Variants in PIP5K1B observed in about 807,000 individuals in gnomAD.
PIP5K1B encodes the protein phosphatidylinositol 4-phosphate 5-kinase type-1 beta.
PIP5K1B carries 42 observed loss-of-function variants against 67.0 expected under a neutral mutation model. The ratio of observed to expected loss-of-function variants is 0.63; its 90% CI spans 0.49 to 0.81. PIP5K1B has a LOEUF of 0.81. Among genes scored for constraint, PIP5K1B ranks in the 30% least tolerant of loss-of-function variants. PIP5K1B has a pLI of 0.00. For missense variants in PIP5K1B, 459 were observed against 646.3 expected (o/e 0.71, Z 3.14); for synonymous variants, 214 against 231.4 (o/e 0.92, Z 0.68).
chr9:68,898,662 G>A (rs992383847), intron 8 of PIP5K1B, among the ~76,000 whole-genome samples: 7 of 152,012 alleles, frequency 4.6e-5, no homozygotes, highest in African/African-American at 1.2e-4. Flanking sequence ...CATGACCATC[G>A]TGCAGCCAGA....
chr9:68,935,159 T>C, intron 13 of PIP5K1B, 114 bp downstream of exon 13: 2 of 891,862 alleles, frequency 2.2e-6, no homozygotes, highest in Non-Finnish European at 3.4e-6. Flanking sequence ...AATATATTAA[T>C]TAAGTTTTTA....
intron 8 of PIP5K1B, among the ~76,000 whole-genome samples, chr9:68,912,804 G>A (rs765577566): frequency 3.3e-5 from 5 of 152,180 alleles, no homozygotes; most frequent in Non-Finnish European, 7.3e-5. Flanking sequence ...GTGATGTGGT[G>A]TTAAAGATGT....
intron 11 of PIP5K1B, among the ~76,000 whole-genome samples, chr9:68,922,972 A>T (rs1281776849): frequency 6.6e-6 from 1 of 152,184 alleles, no homozygotes; most frequent in African/African-American, 2.4e-5. Flanking sequence ...GCCTGTATGT[A>T]AAAAAAGAAC....
chr9:68,870,250 TG>T (rs934701581), intron 5 of PIP5K1B, among the ~76,000 whole-genome samples: 1 of 152,214 alleles, frequency 6.6e-6, no homozygotes, highest in Non-Finnish European at 1.5e-5. Flanking sequence ...CATCCCGGAA[TG>T]CACTGTTTGG....
chr9:68,953,614 G>A (rs1013637105), intron 14 of PIP5K1B, among the ~76,000 whole-genome samples: 3 of 151,734 alleles, frequency 2.0e-5, no homozygotes, highest in African/African-American at 4.8e-5. Flanking sequence ...CCAGGAGTTC[G>A]AGACCAGCCT....
intron 4 of PIP5K1B, among the ~76,000 whole-genome samples, chr9:68,849,425 G>T (rs1822366360): frequency 6.6e-6 from 1 of 152,088 alleles, no homozygotes; most frequent in Non-Finnish European, 1.5e-5. Context: ...TGTCAACCCA[G>T]GCTGAAGTGC....
intron 14 of PIP5K1B, among the ~76,000 whole-genome samples, chr9:68,953,035 A>G (rs1828177963): frequency 6.6e-6 from 1 of 151,960 alleles, no homozygotes; most frequent in African/African-American, 2.4e-5. Flanking sequence ...AGTTTGGGGA[A>G]ATTTTCTAAA....
At chr9:68,822,975 G>C (rs1474232260) in intron 4 of PIP5K1B, among the ~76,000 whole-genome samples, 1 of 152,016 alleles carries the variant, frequency 6.6e-6, no homozygotes, top group Middle Eastern at 3.2e-3. Context: ...TGTCTTTTCC[G>C]GCTTCTAGAG....
chr9:68,923,520 AC>A (rs1826522318), intron 12 of PIP5K1B, 134 bp downstream of exon 12: 1 of 572,030 alleles, frequency 1.7e-6, no homozygotes, highest in Admixed American at 3.3e-5. Context: ...TGGTTAAGTA[AC>A]CCAGTCAGGT....
chr9:68,960,134 C>G (rs576250299), intron 14 of PIP5K1B, among the ~76,000 whole-genome samples: 2 of 152,298 alleles, frequency 1.3e-5, no homozygotes, highest in African/African-American at 4.8e-5. Flanking sequence ...TGTCTTTATG[C>G]TAACGTCACT....
chr9:68,864,149 A>C (rs1260856664), intron 5 of PIP5K1B, among the ~76,000 whole-genome samples, 182 bp downstream of exon 5: 2 of 152,304 alleles, frequency 1.3e-5, no homozygotes, highest in Non-Finnish European at 1.5e-5. Context: ...ATGTCTCACA[A>C]TTTTTATGTG....
At chr9:68,788,832 T>C (rs891756667) in intron 2 of PIP5K1B, 6 of 237,318 alleles carry the variant, frequency 2.5e-5, no homozygotes, top group Non-Finnish European at 5.2e-5. Context: ...GAAACTGATA[T>C]TATATTTGAC....
intron 2 of PIP5K1B, among the ~76,000 whole-genome samples, chr9:68,758,721 T>G (rs938978256): frequency 1.3e-5 from 2 of 151,958 alleles, no homozygotes; most frequent in African/African-American, 4.8e-5. Flanking sequence ...AAATAATAAC[T>G]GAAAAATCCC....
At chr9:68,933,933 C>G (rs1282802548) in intron 12 of PIP5K1B, among the ~76,000 whole-genome samples, 1 of 152,088 alleles carries the variant, frequency 6.6e-6, no homozygotes, top group Non-Finnish European at 1.5e-5. Context: ...CTGAGATTCC[C>G]AAGGCTAAAC....
At chr9:68,824,268 G>C (rs1455851688) in intron 4 of PIP5K1B, 1 of 518,342 alleles carries the variant, frequency 1.9e-6, no homozygotes, top group Admixed American at 1.9e-5. Flanking sequence ...ACCAAATTCT[G>C]ACTCACAGGA....
chr9:68,889,235 C>T (rs1011180726), intron 7 of PIP5K1B, 102 bp downstream of exon 7: 9 of 835,770 alleles, frequency 1.1e-5, no homozygotes, highest in Non-Finnish European at 1.7e-5. Context: ...ATGTTTCTTT[C>T]TCTTTGGTAA....
intron 2 of PIP5K1B, chr9:68,780,599 A>G: frequency 6.2e-7 from 1 of 1,614,184 alleles, no homozygotes; most frequent in Non-Finnish European, 8.5e-7. Context: ...TGTCACCAGC[A>G]CCGTCACCCA....
chr9:68,836,444 A>C (rs1297327403), intron 4 of PIP5K1B, among the ~76,000 whole-genome samples: 1 of 152,212 alleles, frequency 6.6e-6, no homozygotes, highest in East Asian at 1.9e-4. Context: ...CTTCATAAAA[A>C]ACAAAACAAG....
intron 4 of PIP5K1B, among the ~76,000 whole-genome samples, chr9:68,859,570 G>A (rs928996193): frequency 6.6e-6 from 1 of 152,196 alleles, no homozygotes; most frequent in Non-Finnish European, 1.5e-5. Flanking sequence ...CACTTTTAGA[G>A]CATATGCCAA....
Sources: gnomAD v4.1 joint callset for allele counts (sites outside exome capture counted in the v4.1 genomes callset) on GRCh38, gnomAD v4.1.1 for gene constraint, MANE v1.5 for transcripts, NCBI Gene and HGNC (gene_info 2026-07-23, HGNC 2026-07-21) for gene names.